Variants in SYNE1 observed in about 807,000 individuals in gnomAD.
The protein encoded by SYNE1 is spectrin repeat containing nuclear envelope protein 1.
Under a neutral mutation model 1,111.0 loss-of-function variants are expected in SYNE1, and 616 were observed. The observed-to-expected ratio is 0.55, with a 90% CI of 0.52 to 0.59. The LOEUF (loss-of-function observed/expected upper bound fraction) is 0.59. Among genes scored for constraint, SYNE1 ranks in the 20% least tolerant of loss-of-function variants. The pLI, the probability that SYNE1 is intolerant of heterozygous loss-of-function variation, is 0.00. For missense variants in SYNE1, 10,006 were observed against 10,417.0 expected, an observed-to-expected ratio of 0.96 and a Z score of 1.72; for synonymous variants, 3,855 against 3,825.8, an observed-to-expected ratio of 1.01 and a Z score of -0.28.
At chr6:152,129,055 C>T (rs2152653920) in intron 145 of SYNE1, 1 of 152,376 alleles carries the variant, frequency 6.6e-6, no homozygotes, top group African/African-American at 2.4e-5. Context: ...CTGGACAGAG[C>T]AGAGCTGAAA....
At chr6:152,211,439 GA>G (rs2077503517) in intron 124 of SYNE1, 54 bp downstream of exon 124, 5 of 1,494,536 alleles carry the variant, frequency 3.3e-6, no homozygotes, top group Non-Finnish European at 4.7e-6. Flanking sequence ...TCATTAAAAA[GA>G]AAATGACTAA....
At position 152,151,561 on chromosome 6, in the gene SYNE1, G is replaced by A; in HGVS notation, c.24442C>T (p.Gln8148Ter). The change falls in exon 135 of 146, where the codon CAA (glutamine) becomes TAA (stop). Residue 8148 changes from glutamine to a stop codon, truncating the protein, a stop_gained. Transcript: ENST00000367255. LOFTEE classifies it high-confidence loss of function. ...GAAAAATAATCTATTACCTTGAGTT[G>A]CTTTATTTTAGCTTGAACATCACAC... ...SECDVQAKIK[Q>*]LKAFQQEISL... The A allele has an allele frequency of 6.2e-7, 1 of 1,613,888 alleles. No individual in the cohort carries two copies. Among genetic ancestry groups the A allele is most frequent in the Non-Finnish European group, 8.5e-7 (1 of 1,179,966 alleles).
Position 152,225,770 on chromosome 6 carries a change from A to T in SYNE1, c.21302T>A (p.Met7101Lys), listed in dbSNP as rs769405487. The T allele has an allele frequency of 8.1e-6, 13 of 1,614,136 alleles. No individual in the cohort carries two copies. Among genetic ancestry groups the T allele is most frequent in the Middle Eastern group, 1.6e-4 (1 of 6,062 alleles). The part of the protein sequence containing the change: ...NKKEDVSSIV[M>K]STLRELGQTW... ...TTGGCCGAGCTCTCGCAGTGTGCTC[A>T]TGACAATGCTAGAGACGTCTTCTTT... Residue 7101 changes from methionine (M) to lysine (K), a missense_variant, in exon 116 of 146, where the codon ATG becomes AAG. By Grantham distance (95) the Met-to-Lys change is moderately conservative. Around this residue, in one of 7 missense-constraint regions of SYNE1, gnomAD observed 2,182 missense variants for 2,287.8 expected, o/e 0.95. Coordinates refer to ENST00000367255, the MANE Select transcript of SYNE1 (RefSeq NM_182961.4).
chr6:152,135,059 C>A lies in SYNE1; in HGVS notation c.25788+45G>T. 5 of 1,613,596 alleles carry A rather than the reference C, an allele frequency of 3.1e-6. No individual in the cohort carries two copies. In the South Asian group the frequency reaches 5.5e-5, roughly 18 times the overall value. The stretch of plus-strand genomic sequence containing the variant: ...TTCATTTTCTGTAAATGAAATGCAA[C>A]CCTGCTAAAAATAACTGGAGGCTGC... On this transcript the variant is annotated intron_variant, in intron 142 of 145. Transcript: ENST00000367255.
In SYNE1 at chr6:152,435,983, A is replaced by G. The variant is rs773414552; in HGVS notation, c.4268T>C (p.Ile1423Thr). ...TTCTAATTTTTTGACTTGTTCTTTGATTGACTTGGCCTGCTGTTGAAGCAG... is the reference window on the plus strand; with the variant it reads ...TTCTAATTTTTTGACTTGTTCTTTGGTTGACTTGGCCTGCTGTTGAAGCAG... ...KQLLQQQAKS[I>T]KEQVKKLEDT... Residue 1423 changes from isoleucine (I) to threonine (T), a missense_variant, in exon 33 of 146, where the codon ATC (isoleucine) becomes ACC (threonine). Ile to Thr is a moderately conservative substitution (Grantham distance 89). Around this residue, in one of 7 missense-constraint regions of SYNE1, gnomAD observed 1,971 missense variants for 2,084.1 expected, o/e 0.95. Transcript: ENST00000367255. 3 of 1,614,040 alleles carry G rather than the reference A, an allele frequency of 1.9e-6. No homozygotes were observed. Among genetic ancestry groups the G allele is most frequent in the East Asian group, 2.2e-5 (1 of 44,868 alleles).
In SYNE1 at chr6:152,201,831, C is replaced by T. The variant is rs750911961; in HGVS notation, c.23138G>A (p.Arg7713His). 3.0e-5 allele frequency: 49 copies of T among 1,613,906 alleles called. No individual in the cohort carries two copies. Among genetic ancestry groups the T allele is most frequent in the South Asian group, 2.3e-4 (21 of 91,072 alleles). ...CTCAGTTCAGTAATTTACCTTGCAA[C>T]GCATTTGTTCTGCATGGAGCTCTTC... is the stretch of plus-strand genomic sequence containing the variant. ...HHEELHAEQM[R>H]CKELENAVGS... Residue 7713 changes from arginine to histidine, a missense_variant, in exon 127 of 146, where the codon CGT (arginine) becomes CAT (histidine). Physicochemically the swap from Arg to His is conservative, Grantham distance 29 (BLOSUM62 0). Coordinates refer to ENST00000367255, the MANE Select transcript of SYNE1 (RefSeq NM_182961.4).
chr6:152,517,547 CATT>C (rs977109238), intron 6 of SYNE1, among the ~76,000 whole-genome samples: 2 of 152,194 alleles, frequency 1.3e-5, no homozygotes, highest in African/African-American at 4.8e-5. Context: ...TTAACTGCAT[CATT>C]GTTTGTGTTT....
intron 4 of SYNE1, among the ~76,000 whole-genome samples, chr6:152,526,988 C>T (rs538729093): frequency 6.6e-6 from 1 of 152,200 alleles, no homozygotes; most frequent in South Asian, 2.1e-4. Context: ...AGTAAAGAAG[C>T]CATTATGCCA....
chr6:152,453,450 T>C (rs746805786), intron 25 of SYNE1, 136 bp downstream of exon 25: 3 of 1,294,872 alleles, frequency 2.3e-6, no homozygotes, highest in Non-Finnish European at 3.3e-6. Context: ...GTCCAGTTTT[T>C]TGAGTTTTTA....
In SYNE1 at chr6:152,140,118, G is replaced by C; in HGVS notation, c.25290C>G (p.Ser8430Arg). The stretch of plus-strand genomic sequence containing the variant: ...GGTTCTGCTTCATCCTCAACTCCTT[G>C]CTCAATGCCTGGGCCTGGAGAAGCT... ...RWELLQAQALSKELRMKQNLQ... is the reference protein window; with the variant it reads ...RWELLQAQALRKELRMKQNLQ... Residue 8430 changes from serine to arginine, a missense_variant, in exon 140 of 146, where the codon AGC becomes AGG. Coordinates refer to ENST00000367255, the MANE Select transcript of SYNE1 (RefSeq NM_182961.4). The C allele has an allele frequency of 1.2e-6, 2 of 1,614,168 alleles. No homozygotes were observed. Among genetic ancestry groups the C allele is most frequent in the Non-Finnish European group, 1.7e-6 (2 of 1,180,040 alleles).
intron 53 of SYNE1, among the ~76,000 whole-genome samples, chr6:152,388,564 G>A (rs1248655905): frequency 6.6e-6 from 1 of 152,158 alleles, no homozygotes; most frequent in African/African-American, 2.4e-5. Flanking sequence ...CTCCCAAAGT[G>A]CTGGGATTAC....
intron 127 of SYNE1, among the ~76,000 whole-genome samples, chr6:152,200,911 CCA>C (rs1370049714): frequency 6.6e-6 from 1 of 152,128 alleles, no homozygotes; most frequent in Non-Finnish European, 1.5e-5. Flanking sequence ...ATTCTTATAG[CCA>C]CACTTTTCAT....
chr6:152,221,617 G>A, intron 117 of SYNE1, 58 bp from the exon 118 acceptor site: 1 of 1,606,574 alleles, frequency 6.2e-7, no homozygotes, highest in Non-Finnish European at 8.5e-7. Context: ...TAATAAGCAA[G>A]TTTAAAAGGA....
At chr6:152,564,817 C>A (rs1192634524) in intron 3 of SYNE1, among the ~76,000 whole-genome samples, 1 of 152,124 alleles carries the variant, frequency 6.6e-6, no homozygotes, top group Non-Finnish European at 1.5e-5. Context: ...TCATCATTTA[C>A]TGCGAGAATT....
chr6:152,475,079 C>T (rs1255233769), intron 14 of SYNE1, among the ~76,000 whole-genome samples: 1 of 152,132 alleles, frequency 6.6e-6, no homozygotes, highest in African/African-American at 2.4e-5. Context: ...CAAAACAGAA[C>T]TATCTTCTTT....
In SYNE1 at chr6:152,134,629, C is replaced by T. The variant is rs546562802; in HGVS notation, c.25788+475G>A. On this transcript the variant is annotated intron_variant, in intron 142 of 145. Coordinates refer to ENST00000367255, the MANE Select transcript of SYNE1 (RefSeq NM_182961.4). ...CCCGGAGGCGGAGATTGCAGTGAGC[C>T]GAGATCGCACCACTGCACTCCACCC... The T allele has an allele frequency of 2.2e-4, 39 of 174,686 alleles. No homozygotes were observed. The East Asian group carries it at 5.8e-3, about 26-fold the overall frequency. The allele number at this position is 174,686 out of a possible 1,614,324, so 10.8% of individuals were successfully genotyped here.
At chr6:152,161,297 T>C (rs113483249) in intron 131 of SYNE1, among the ~76,000 whole-genome samples, 30,916 of 147,992 alleles carry the variant, frequency 0.21, 3,695 homozygotes, top group African/African-American at 0.33. Flanking sequence ...ATTACTACTA[T>C]GGTAATTTTC....
chr6:152,416,027 G>A (rs1419482558), intron 41 of SYNE1, among the ~76,000 whole-genome samples: 1 of 152,144 alleles, frequency 6.6e-6, no homozygotes, highest in African/African-American at 2.4e-5. Context: ...GGCTGGAGGG[G>A]AAAGAGACAG....
intron 42 of SYNE1, among the ~76,000 whole-genome samples, chr6:152,411,185 C>T (rs942064965): frequency 4.6e-5 from 7 of 152,028 alleles, no homozygotes; most frequent in African/African-American, 1.2e-4. Context: ...CTTTCTCCAC[C>T]GAACTTTCTT....
Sources: gnomAD v4.1 joint callset for allele counts (sites outside exome capture counted in the v4.1 genomes callset) on GRCh38, gnomAD v4.1.1 for gene constraint, gnomAD v4.1.1 regional missense constraint, MANE v1.5 for transcripts, NCBI Gene and HGNC (gene_info 2026-07-23, HGNC 2026-07-21) for gene names.